Variants in BCO1 observed in about 807,000 individuals in gnomAD.
BCO1 encodes the protein beta,beta-carotene 15,15'-dioxygenase.
A neutral mutation model predicts 56.3 loss-of-function variants in BCO1; 54 were observed. The observed-to-expected ratio is 0.96, with a 90% confidence interval of 0.77 to 1.20. The LOEUF is 1.20. Ranked by LOEUF, BCO1 falls within the 50% of genes most tolerant of loss-of-function variation. The pLI is 0.00. For synonymous variants in BCO1, 318 were observed against 266.1 expected (o/e 1.20, Z -1.90); for missense variants, 801 against 690.9 (o/e 1.16, Z -1.79).
intron 7 of BCO1, among the ~76,000 whole-genome samples, chr16:81,272,877 G>T (rs1277584543): frequency 2.0e-5 from 3 of 152,200 alleles, no homozygotes; most frequent in African/African-American, 7.2e-5. Context: ...ACAAACTGAG[G>T]CTCAGAGAAG....
chr16:81,270,823 C>A (rs1907162228), intron 7 of BCO1, among the ~76,000 whole-genome samples: 1 of 151,904 alleles, frequency 6.6e-6, no homozygotes. Context: ...CTGCTCGCTG[C>A]AAGCTCCACC....
chr16:81,262,074 G>C, intron 3 of BCO1, 62 bp from the exon 4 acceptor site: 3 of 1,586,064 alleles, frequency 1.9e-6, no homozygotes, highest in Non-Finnish European at 2.6e-6. Context: ...AGCCATCAAG[G>C]ATAGACTTCT....
At chr16:81,283,913 C>T (rs539339695) in intron 8 of BCO1, among the ~76,000 whole-genome samples, 3 of 151,652 alleles carry the variant, frequency 2.0e-5, no homozygotes, top group Admixed American at 6.6e-5. Context: ...CGGCCAAGCA[C>T]GGTGGCTCAC....
At chr16:81,250,118 C>G (rs1260012194) in intron 2 of BCO1, among the ~76,000 whole-genome samples, 3 of 152,180 alleles carry the variant, frequency 2.0e-5, no homozygotes, top group Non-Finnish European at 4.4e-5. Flanking sequence ...CCCCGTCACT[C>G]CTGAGGAGGA....
intron 5 of BCO1, among the ~76,000 whole-genome samples, chr16:81,266,297 C>T (rs989330595): frequency 1.3e-5 from 2 of 152,192 alleles, no homozygotes; most frequent in Non-Finnish European, 1.5e-5. Context: ...GGCGGAGGCT[C>T]TTAGCCCATG....
chr16:81,280,155 C>G (rs1241368195), intron 7 of BCO1, among the ~76,000 whole-genome samples: 1 of 151,386 alleles, frequency 6.6e-6, no homozygotes, highest in Non-Finnish European at 1.5e-5. Context: ...CCCAGCTACT[C>G]TGGAGGCTGA....
intron 2 of BCO1, among the ~76,000 whole-genome samples, chr16:81,254,333 T>G (rs927370043): frequency 1.7e-4 from 22 of 129,384 alleles, no homozygotes; most frequent in African/African-American, 5.7e-4. Context: ...GTATTTTTAG[T>G]AGAGACAGGG....
intron 3 of BCO1, chr16:81,261,886 C>T (rs1373596366): frequency 9.9e-6 from 4 of 403,610 alleles, no homozygotes; most frequent in South Asian, 6.2e-5. Flanking sequence ...GGACTACAGG[C>T]GCCTGCCACC....
intron 7 of BCO1, among the ~76,000 whole-genome samples, chr16:81,275,340 C>T (rs547235593): frequency 3.9e-5 from 6 of 152,342 alleles, no homozygotes; most frequent in Admixed American, 1.3e-4. Context: ...CCTTGGCTTC[C>T]GCCCAGACCG....
At chr16:81,259,433 G>A (rs1390452150) in intron 2 of BCO1, among the ~76,000 whole-genome samples, 1 of 152,138 alleles carries the variant, frequency 6.6e-6, no homozygotes, top group Non-Finnish European at 1.5e-5. Flanking sequence ...GGCGGAGGTT[G>A]CAGTGAGCCG....
At position 81,250,948 on chromosome 16, in the gene BCO1, G is replaced by A. The variant is rs151016894; in HGVS notation, c.193+5345G>A. 2.1e-3 allele frequency among the ~76,000 whole-genome samples: 319 copies of A among 152,220 alleles called. 2 individuals are homozygous for A. The highest frequency in any genetic ancestry group is 7.4e-3 in the African/African-American group (306 of 41,534). ...GTGCATCATAGTCCTCAAAGATAGC[G>A]TTTGTGTTTCTAACACACTTCCCAG... On this transcript the variant is annotated intron_variant, in intron 2 of 10. Transcript: ENST00000258168.
chr16:81,254,602 T>C (rs752236052), intron 2 of BCO1, among the ~76,000 whole-genome samples: 1 of 152,262 alleles, frequency 6.6e-6, no homozygotes, highest in Middle Eastern at 3.4e-3. Context: ...ATTGTCATTA[T>C]GTCCATCCAA....
intron 6 of BCO1, among the ~76,000 whole-genome samples, chr16:81,269,593 G>A (rs1907058525): frequency 6.6e-6 from 1 of 152,126 alleles, no homozygotes; most frequent in African/African-American, 2.4e-5. Context: ...TCCACCTCCT[G>A]AGTAGTTGGG....
chr16:81,289,335 T>C (rs974820570), intron 10 of BCO1, among the ~76,000 whole-genome samples: 2 of 152,296 alleles, frequency 1.3e-5, no homozygotes, highest in Admixed American at 6.5e-5. Context: ...AGAGATGAAT[T>C]GGGCCCATTG....
intron 3 of BCO1, 200 bp from the exon 4 acceptor site, chr16:81,261,936 G>A: frequency 1.8e-6 from 1 of 566,596 alleles, no homozygotes; most frequent in Non-Finnish European, 3.2e-6. Context: ...TACAGACGGG[G>A]TTTCACCGTG....
chr16:81,279,234 A>C (rs1039141954), intron 7 of BCO1, among the ~76,000 whole-genome samples: 1 of 152,212 alleles, frequency 6.6e-6, no homozygotes, highest in African/African-American at 2.4e-5. Context: ...AGCTGTCATC[A>C]CACTACTGTA....
In BCO1 at chr16:81,290,529, G is replaced by C; in HGVS notation, c.1596G>C (p.Glu532Asp). ...ACACAAAAAAGCAGGCCGCTTCTGA[G>C]GAACAGCGGGACAGGGCTTCCGACT... ...DWDTKKQAAS[E>D]EQRDRASDCH... The change falls in exon 11 of 11, where the codon GAG becomes GAC. Residue 532 changes from glutamate (E) to aspartate (D), a missense_variant. Coordinates refer to ENST00000258168, the MANE Select transcript of BCO1 (RefSeq NM_017429.3). 1 of 1,614,084 alleles carries C rather than the reference G, an allele frequency of 6.2e-7. No individual in the cohort carries two copies. Among genetic ancestry groups the C allele is most frequent in the Non-Finnish European group, 8.5e-7 (1 of 1,180,014 alleles).
chr16:81,278,234 G>A (rs1268303096), intron 7 of BCO1, among the ~76,000 whole-genome samples: 1 of 152,054 alleles, frequency 6.6e-6, no homozygotes, highest in African/African-American at 2.4e-5. Flanking sequence ...TAGAGATGGG[G>A]TTTCACCATG....
At position 81,262,135 on chromosome 16, in the gene BCO1, G is replaced by C; in HGVS notation, c.324-1G>C. ...CTCTGTTGATTTGCTTTTCTCCCCA[G>C]AGCTTTCTCCTACTTGTCTCACACC... On this transcript the variant is annotated splice_acceptor_variant, in intron 3 of 10. Transcript: ENST00000258168. LOFTEE classifies it high-confidence loss of function. 1.2e-6 allele frequency: 2 copies of C among 1,613,704 alleles called. No individual in the cohort carries two copies. The highest frequency in any genetic ancestry group is 1.7e-6 in the Non-Finnish European group (2 of 1,179,944).
Sources: gnomAD v4.1 joint callset for allele counts (sites outside exome capture counted in the v4.1 genomes callset) on GRCh38, gnomAD v4.1.1 for gene constraint, MANE v1.5 for transcripts, NCBI Gene and HGNC (gene_info 2026-07-23, HGNC 2026-07-21) for gene names.